NMUR2: variants seen among roughly 807,000 people sequenced by gnomAD.
NMUR2 encodes the protein neuromedin-U receptor 2.
Under a neutral mutation model 25.1 loss-of-function variants are expected in NMUR2, and 24 were observed. The observed-to-expected ratio is 0.96, with a 90% CI of 0.69 to 1.34. The LOEUF (loss-of-function observed/expected upper bound fraction) is 1.34. Ranked by LOEUF, NMUR2 falls within the 40% of genes most tolerant of loss-of-function variation. NMUR2 has a pLI of 0.00. For missense variants in NMUR2, 533 were observed against 512.8 expected (o/e 1.04, Z -0.38); for synonymous variants, 218 against 208.1 (o/e 1.05, Z -0.41).
In NMUR2 at chr5:152,405,269, C is replaced by T; in HGVS notation, c.-156G>A. ...AGGCTGGGAGAGAGTGAGTGTTTCA[C>T]CCTCCAGGTTAGGCTGCCTGGACCG... is the stretch of plus-strand genomic sequence containing the variant. On this transcript the variant is annotated 5_prime_UTR_variant, in exon 1 of 4. The change creates a new upstream start codon in the 5' untranslated region. Transcript: ENST00000255262. The T allele has an allele frequency of 2.3e-6, 2 of 873,260 alleles. No homozygotes were observed. Among genetic ancestry groups the T allele is most frequent in the Non-Finnish European group, 3.4e-6 (2 of 589,004 alleles). The allele number at this position is 873,260 out of a possible 1,614,324, so 54.1% of individuals were successfully genotyped here. A position where few individuals can be genotyped will look rare whatever the true frequency, so the allele number is the denominator to read the frequency against.
chr5:152,398,247 G>A (rs1753196994), intron 1 of NMUR2, 103 bp from the exon 2 acceptor site: 1 of 757,966 alleles, frequency 1.3e-6, no homozygotes, highest in Non-Finnish European at 2.2e-6. Flanking sequence ...GAAGACAGAA[G>A]AACTGAGACC....
rs1302545252 is a variant in NMUR2, at chr5:152,396,951, C to T, written c.811+1109G>A. 4.6e-5 allele frequency among the ~76,000 whole-genome samples: 7 copies of T among 150,900 alleles called. No individual in the cohort carries two copies. The Admixed American group carries it at 4.7e-4, about 10-fold the overall frequency. ...AATTCCTGTTAAAGTTGAACCCCAT[C>T]CCAACGCAAATACTTTACAGTGTAT... On this transcript the variant is annotated intron_variant, in intron 2 of 3. Coordinates refer to ENST00000255262, the MANE Select transcript of NMUR2 (RefSeq NM_020167.5).
chr5:152,398,948 T>G (rs1753210491), intron 1 of NMUR2, among the ~76,000 whole-genome samples: 1 of 152,206 alleles, frequency 6.6e-6, no homozygotes, highest in Admixed American at 6.5e-5. Flanking sequence ...AACTTTCAGC[T>G]ATCAACACTA....
chr5:152,395,901 A>T (rs1167078797), intron 2 of NMUR2, among the ~76,000 whole-genome samples: 3 of 152,094 alleles, frequency 2.0e-5, no homozygotes, highest in Non-Finnish European at 4.4e-5. Flanking sequence ...TGTGAAAGAT[A>T]AATAATAAAC....
Position 152,395,592 on chromosome 5 carries a change from T to C in NMUR2, c.812-8A>G, listed in dbSNP as rs1321153563. On this transcript the variant is annotated splice_region_variant and splice_polypyrimidine_tract_variant and intron_variant, in intron 2 of 3. Transcript: ENST00000255262. ...ACACTAAGACCAAGACAACTGAAAA[T>C]GGATGATAAATGGGAGACCAGAAGA... is the stretch of plus-strand genomic sequence containing the variant. 1.2e-6 allele frequency: 2 copies of C among 1,612,566 alleles called. No homozygotes were observed. The highest frequency in any genetic ancestry group is 1.3e-5 in the African/African-American group (1 of 74,716).
In NMUR2 at chr5:152,405,178, A is replaced by C; in HGVS notation, c.-65T>G. The C allele has an allele frequency of 2.0e-6, 3 of 1,492,018 alleles. No homozygotes were observed. The South Asian group carries it at 4.1e-5, about 21-fold the overall frequency. 92.4% of individuals were successfully genotyped at this position (1,492,018 alleles called of 1,614,324 possible). A position where few individuals can be genotyped will look rare whatever the true frequency, so the allele number is the denominator to read the frequency against. On this transcript the variant is annotated 5_prime_UTR_variant, in exon 1 of 4. Coordinates refer to ENST00000255262, the MANE Select transcript of NMUR2 (RefSeq NM_020167.5). ...GTTTCAAGCTGAGCCAGGAAAAAAAAAAAAAAAAGAAAAAAGGAAAACAAA... is the reference window on the plus strand; with the variant it reads ...GTTTCAAGCTGAGCCAGGAAAAAAACAAAAAAAAGAAAAAAGGAAAACAAA...
intron 3 of NMUR2, among the ~76,000 whole-genome samples, 166 bp from the exon 4 acceptor site, chr5:152,392,667 A>C (rs1753081984): frequency 6.6e-6 from 1 of 152,206 alleles, no homozygotes; most frequent in African/African-American, 2.4e-5. Context: ...CTCTGAATAG[A>C]TCTTCCACCT....
At chr5:152,399,527 G>A (rs1257764943) in intron 1 of NMUR2, among the ~76,000 whole-genome samples, 1 of 152,042 alleles carries the variant, frequency 6.6e-6, no homozygotes, top group Non-Finnish European at 1.5e-5. Context: ...CTCTGCATAT[G>A]AGGTCTGGAA....
chr5:152,403,702 T>C (rs1221511529), intron 1 of NMUR2, among the ~76,000 whole-genome samples: 2 of 148,348 alleles, frequency 1.3e-5, no homozygotes, highest in African/African-American at 4.9e-5. Context: ...ATATATATGA[T>C]TATATATTAT....
At chr5:152,402,686 A>G (rs902670501) in intron 1 of NMUR2, among the ~76,000 whole-genome samples, 1 of 152,192 alleles carries the variant, frequency 6.6e-6, no homozygotes, top group Non-Finnish European at 1.5e-5. Flanking sequence ...TGGATGAGGT[A>G]ATATTAAGTG....
At chr5:152,399,388 T>G (rs1209361594) in intron 1 of NMUR2, among the ~76,000 whole-genome samples, 1 of 152,110 alleles carries the variant, frequency 6.6e-6, no homozygotes, top group Non-Finnish European at 1.5e-5. Context: ...ATTTAGCCAA[T>G]CAACTTGTCC....
At position 152,392,475 on chromosome 5, in the gene NMUR2, C is replaced by A; in HGVS notation, c.964G>T (p.Val322Phe). Reference protein sequence around the residue: ...SGVFFYLSSAVNPIIYNLLSR... With the variant: ...SGVFFYLSSAFNPIIYNLLSR... ...AGTAGGTTATAGATAATGGGGTTGA[C>A]AGCTGAGCTCAGGTAGAAGAAGACA... Residue 322 changes from valine (V) to phenylalanine (F), a missense_variant, in exon 4 of 4, where the codon GTC becomes TTC. Coordinates refer to ENST00000255262, the MANE Select transcript of NMUR2 (RefSeq NM_020167.5). 1.9e-6 allele frequency: 3 copies of A among 1,613,302 alleles called. No homozygotes were observed. Among genetic ancestry groups the A allele is most frequent in the Non-Finnish European group, 2.5e-6 (3 of 1,179,388 alleles).
Position 152,397,760 on chromosome 5 carries a change from T to A in NMUR2, c.811+300A>T, listed in dbSNP as rs1753185191. On this transcript the variant is annotated intron_variant, in intron 2 of 3. Coordinates refer to ENST00000255262, the MANE Select transcript of NMUR2 (RefSeq NM_020167.5). ...TACCAAGCACCACACAGAGTGTATG[T>A]CAGTGGATGAAACTGAGAGTGTTGT... 2.6e-5 allele frequency among the ~76,000 whole-genome samples: 4 copies of A among 152,148 alleles called. No homozygotes were observed. In the South Asian group the frequency reaches 8.3e-4, roughly 32 times the overall value.
At chr5:152,399,331 G>A (rs1395169259) in intron 1 of NMUR2, among the ~76,000 whole-genome samples, 1 of 151,970 alleles carries the variant, frequency 6.6e-6, no homozygotes, top group Non-Finnish European at 1.5e-5. Flanking sequence ...TCTTTAATTT[G>A]TATAGAGGTG....
At chr5:152,397,352 T>C (rs181113872) in intron 2 of NMUR2, among the ~76,000 whole-genome samples, 1 of 152,300 alleles carries the variant, frequency 6.6e-6, no homozygotes, top group East Asian at 1.9e-4. Context: ...TCATATATTT[T>C]TATAACATTC....
intron 2 of NMUR2, among the ~76,000 whole-genome samples, chr5:152,397,612 G>C (rs62394518): frequency 6.9e-5 from 10 of 144,354 alleles, no homozygotes; most frequent in African/African-American, 2.5e-4. Context: ...TTTTTTTTTG[G>C]AATGGAGAGT....
In NMUR2 at chr5:152,404,638, G is replaced by C. The variant is rs765944267; in HGVS notation, c.476C>G (p.Thr159Ser). ...LHPFRAKLQSTRRRALRILGI... is the reference protein window; with the variant it reads ...LHPFRAKLQSSRRRALRILGI... ...GAGGATCCTGAGGGCCCGGCGCCGG[G>C]TGCTCTGCAGTTTGGCGCGGAACGG... Residue 159 changes from threonine (T) to serine (S), a missense_variant, in exon 1 of 4, where the codon ACC becomes AGC. Physicochemically the swap from Thr to Ser is moderately conservative, Grantham distance 58. Transcript: ENST00000255262. The C allele has an allele frequency of 1.2e-6, 2 of 1,614,120 alleles. No homozygotes were observed. Among genetic ancestry groups the C allele is most frequent in the East Asian group, 2.2e-5 (1 of 44,872 alleles).
chr5:152,394,300 C>A (rs1278564249), intron 3 of NMUR2, among the ~76,000 whole-genome samples: 1 of 152,126 alleles, frequency 6.6e-6, no homozygotes, highest in Non-Finnish European at 1.5e-5. Context: ...CAGGAATAAG[C>A]TATACATTAG....
rs866000890 is a variant in NMUR2, at chr5:152,405,182, A to G, written c.-69T>C. 2.9e-5 allele frequency: 43 copies of G among 1,493,086 alleles called. No homozygotes were observed. The highest frequency in any genetic ancestry group is 6.9e-5 in the South Asian group (5 of 72,520). 92.5% of individuals were successfully genotyped at this position (1,493,086 alleles called of 1,614,324 possible). ...CAAGCTGAGCCAGGAAAAAAAAAAA[A>G]AAAAGAAAAAAGGAAAACAAAAAAG... On this transcript the variant is annotated 5_prime_UTR_variant, in exon 1 of 4. Coordinates refer to ENST00000255262, the MANE Select transcript of NMUR2 (RefSeq NM_020167.5).
Sources: allele counts gnomAD v4.1 joint callset (sites outside exome capture counted in the v4.1 genomes callset), GRCh38; gene constraint gnomAD v4.1.1; transcripts MANE v1.5; gene names NCBI Gene and HGNC (gene_info 2026-07-23, HGNC 2026-07-21).